The following FBXL13 variants were observed in gnomAD, a reference collection of about 807,000 sequenced individuals.
FBXL13 encodes the protein F-box and leucine rich repeat protein 13.
A neutral mutation model predicts 83.6 loss-of-function variants in FBXL13; 67 were observed. The observed-to-expected ratio is 0.80, with a 90% CI of 0.66 to 0.98. The LOEUF (loss-of-function observed/expected upper bound fraction) is 0.98, where lower values mean the gene tolerates loss of function less well. Ranked by LOEUF, FBXL13 falls within the 50% of genes least tolerant of loss-of-function variation. FBXL13 has a pLI of 0.00. For synonymous variants in FBXL13, 272 were observed against 299.5 expected (o/e 0.91, Z 0.95); for missense variants, 822 against 866.5 (o/e 0.95, Z 0.64).
chr7:103,071,186 A>AGTTTGGATCTTTTTCATTGATGGTTTTC (rs1798916086), intron 1 of FBXL13, among the ~76,000 whole-genome samples: 1 of 152,170 alleles, frequency 6.6e-6, no homozygotes, highest in Admixed American at 6.5e-5. Flanking sequence ...GAAGAGATCA[A>AGTTTGGATCTTTTTCATTGATGGTTTTC]AAGAGGCATG....
At chr7:102,932,667 T>G (rs1563111348) in intron 8 of FBXL13, among the ~76,000 whole-genome samples, 1 of 95,052 alleles carries the variant, frequency 1.1e-5, no homozygotes, top group Non-Finnish European at 2.4e-5. Flanking sequence ...CCATGTTGGC[T>G]CACTGCAGCC....
chr7:103,035,536 A>G (rs1223502562), intron 2 of FBXL13, among the ~76,000 whole-genome samples: 5 of 152,240 alleles, frequency 3.3e-5, no homozygotes, highest in African/African-American at 9.6e-5. Flanking sequence ...GCTCTTTAAT[A>G]TAAGTAGTAA....
At chr7:102,978,690 G>A in intron 6 of FBXL13, 1 of 231,250 alleles carries the variant, frequency 4.3e-6, no homozygotes, top group Non-Finnish European at 8.8e-6. Context: ...TTGTCTGTTG[G>A]CACACTCTCG....
intron 19 of FBXL13, among the ~76,000 whole-genome samples, chr7:102,815,037 C>G (rs779124479): frequency 2.6e-5 from 4 of 152,170 alleles, no homozygotes; most frequent in Non-Finnish European, 5.9e-5. Flanking sequence ...TTAAGACTTA[C>G]TGAAATATAA....
chr7:103,028,226 TTAAATA>T (rs1307417682), intron 4 of FBXL13, among the ~76,000 whole-genome samples: 1 of 152,206 alleles, frequency 6.6e-6, no homozygotes, highest in Non-Finnish European at 1.5e-5. Context: ...CATATATACA[TTAAATA>T]TAATCTTTGT....
rs766352901 is a variant in FBXL13 at position 102,926,363 on chromosome 7, C to T, written c.789G>A (p.Met263Ile). 1.9e-5 allele frequency: 30 copies of T among 1,612,976 alleles called. No individual in the cohort carries two copies. The South Asian group carries it at 3.0e-4, about 16-fold the overall frequency. Residue 263 changes from methionine to isoleucine, a missense_variant, in exon 10 of 20, where the codon ATG becomes ATA. Transcript: ENST00000313221. ...CCGGGCAGCCCTCAGAAATGTGTCTCATTGATTCATCCTGCATGAAAAACA... is the reference window on the plus strand; with the variant it reads ...CCGGGCAGCCCTCAGAAATGTGTCTTATTGATTCATCCTGCATGAAAAACA...
At chr7:102,987,708 C>T (rs143151401) in intron 6 of FBXL13, among the ~76,000 whole-genome samples, 254 of 152,150 alleles carry the variant, frequency 1.7e-3, no homozygotes, top group Non-Finnish European at 3.1e-3. Context: ...ACTAATGGGA[C>T]GTGGAGAATT....
At chr7:102,893,273 A>G (rs1173941089) in intron 11 of FBXL13, among the ~76,000 whole-genome samples, 3 of 152,138 alleles carry the variant, frequency 2.0e-5, no homozygotes, top group South Asian at 2.1e-4. Context: ...TTTTTCTCCA[A>G]TCTTGCTCCT....
intron 6 of FBXL13, among the ~76,000 whole-genome samples, chr7:102,995,409 A>G (rs886262756): frequency 1.5e-5 from 2 of 136,698 alleles, no homozygotes; most frequent in African/African-American, 5.6e-5. Flanking sequence ...TGAACTCGGG[A>G]GGCGGAGCTT....
chr7:102,938,254 A>G (rs1820714078), intron 8 of FBXL13, among the ~76,000 whole-genome samples: 1 of 152,374 alleles, frequency 6.6e-6, no homozygotes, highest in East Asian at 1.9e-4. Flanking sequence ...TTTTACTTCT[A>G]ACATCAGATG....
chr7:103,019,112 T>C (rs559059600), intron 6 of FBXL13, among the ~76,000 whole-genome samples: 2 of 152,302 alleles, frequency 1.3e-5, no homozygotes, highest in South Asian at 2.1e-4. Context: ...ACAGAAATTA[T>C]AACAAACTGT....
chr7:103,016,661 G>T (rs959183169), intron 6 of FBXL13, among the ~76,000 whole-genome samples: 1 of 152,130 alleles, frequency 6.6e-6, no homozygotes, highest in African/African-American at 2.4e-5. Context: ...TTAGTAAATG[G>T]CACACCAGGA....
At chr7:102,829,736 G>A (rs992734172) in intron 18 of FBXL13, among the ~76,000 whole-genome samples, 4 of 152,156 alleles carry the variant, frequency 2.6e-5, no homozygotes, top group Admixed American at 1.3e-4. Context: ...AGGAAAAGCC[G>A]GCCTTTCTGG....
intron 16 of FBXL13, among the ~76,000 whole-genome samples, chr7:102,870,308 C>T (rs1808357579): frequency 6.6e-6 from 1 of 152,112 alleles, no homozygotes; most frequent in African/African-American, 2.4e-5. Flanking sequence ...GAGACATTAA[C>T]CATCACCATA....
chr7:103,060,063 T>TATATAC (rs1429819167), intron 1 of FBXL13, among the ~76,000 whole-genome samples: 16 of 115,226 alleles, frequency 1.4e-4, no homozygotes, highest in African/African-American at 3.1e-4. Context: ...TATATATATA[T>TATATAC]ACTTTTTTTT....
At chr7:103,010,584 T>C (rs996237656) in intron 6 of FBXL13, among the ~76,000 whole-genome samples, 6 of 152,098 alleles carry the variant, frequency 3.9e-5, no homozygotes, top group Non-Finnish European at 8.8e-5. Context: ...GTAGGGGGGT[T>C]TAGGGGGAAG....
chr7:102,853,036 A>C (rs1246363745), intron 17 of FBXL13, among the ~76,000 whole-genome samples: 1 of 152,192 alleles, frequency 6.6e-6, no homozygotes, highest in African/African-American at 2.4e-5. Flanking sequence ...ACCTGGGTGG[A>C]ATTGGAGACC....
At chr7:102,993,243 CAAGTAATTCT>C (rs1829764478) in intron 6 of FBXL13, among the ~76,000 whole-genome samples, 1 of 152,174 alleles carries the variant, frequency 6.6e-6, no homozygotes, top group African/African-American at 2.4e-5. Flanking sequence ...TTTTGTTTTA[CAAGTAATTCT>C]AAGTAATTTA....
chr7:102,884,160 A>G (rs1810476836), intron 12 of FBXL13, 54 bp downstream of exon 13: 1 of 1,235,630 alleles, frequency 8.1e-7, no homozygotes, highest in African/African-American at 1.5e-5. Flanking sequence ...AAGCCATTAG[A>G]ACATATATCT....
Sources: allele counts gnomAD v4.1 joint callset (sites outside exome capture counted in the v4.1 genomes callset), GRCh38; gene constraint gnomAD v4.1.1; transcripts MANE v1.5; gene names NCBI Gene and HGNC (gene_info 2026-07-23, HGNC 2026-07-21).